The following PTH2R variants were observed in gnomAD, a reference collection of about 807,000 sequenced individuals.
PTH2R encodes the protein parathyroid hormone 2 receptor, also known as PTH2 receptor.
Under a neutral mutation model 60.3 loss-of-function variants are expected in PTH2R, and 59 were observed. That is an observed-to-expected ratio of 0.98 (90% CI 0.79 to 1.22). The LOEUF (loss-of-function observed/expected upper bound fraction) is 1.22, where lower values mean the gene tolerates loss of function less well. Ranked by LOEUF, PTH2R falls within the 50% of genes most tolerant of loss-of-function variation. The pLI is 0.00. For synonymous variants in PTH2R, 256 were observed against 243.8 expected (o/e 1.05, Z -0.47); for missense variants, 749 against 682.6 (o/e 1.10, Z -1.08).
intron 1 of PTH2R, among the ~76,000 whole-genome samples, chr2:208,417,010 G>A (rs1701654257): frequency 6.6e-6 from 1 of 152,044 alleles, no homozygotes; most frequent in Non-Finnish European, 1.5e-5. Context: ...AGAGATCCTT[G>A]ACTAATGCAA....
At position 208,484,314 on chromosome 2, in the gene PTH2R, G is replaced by A. The variant is rs577045692; in HGVS notation, c.1076+3150G>A. Among the ~76,000 whole-genome samples, 109 of 152,334 alleles carry A rather than the reference G, an allele frequency of 7.2e-4. 1 individual carries two copies. Among genetic ancestry groups the A allele is most frequent in the Middle Eastern group, 3.4e-3 (1 of 294 alleles). The stretch of plus-strand genomic sequence containing the variant: ...GCATGGTGGTTTAAAATGGAAATGA[G>A]TGAATCAATCAGTTCTTAAAACAAC... On this transcript the variant is annotated intron_variant, in intron 10 of 12. Transcript: ENST00000272847.
At chr2:208,438,778 TGGG>T (rs1191775925) in intron 4 of PTH2R, among the ~76,000 whole-genome samples, 1 of 151,884 alleles carries the variant, frequency 6.6e-6, no homozygotes, top group African/African-American at 2.4e-5. Flanking sequence ...TTTGGGGAGG[TGGG>T]GGGAGAACAG....
intron 9 of PTH2R, among the ~76,000 whole-genome samples, chr2:208,478,259 T>C (rs1178948628): frequency 6.6e-6 from 1 of 152,192 alleles, no homozygotes; most frequent in African/African-American, 2.4e-5. Flanking sequence ...CTTCTTTTCT[T>C]TTTTTAGTGG....
chr2:208,419,930 A>G (rs1484664113), intron 1 of PTH2R, among the ~76,000 whole-genome samples: 4 of 152,356 alleles, frequency 2.6e-5, no homozygotes, highest in Non-Finnish European at 4.4e-5. Context: ...TGTGGCACAT[A>G]TACACTGTGG....
At chr2:208,444,261 C>T (rs557589400) in intron 6 of PTH2R, among the ~76,000 whole-genome samples, 10 of 152,256 alleles carry the variant, frequency 6.6e-5, no homozygotes, top group East Asian at 1.9e-4. Context: ...CCAGATCAGC[C>T]GAACTACCCA....
At chr2:208,491,431 A>G (rs979891114) in intron 12 of PTH2R, among the ~76,000 whole-genome samples, 6 of 152,196 alleles carry the variant, frequency 3.9e-5, no homozygotes, top group Non-Finnish European at 4.4e-5. Flanking sequence ...AAGAAACCCA[A>G]AAAGCACTCA....
At chr2:208,384,617 A>T (rs926580570) in intron 1 of PTH2R, among the ~76,000 whole-genome samples, 5 of 152,072 alleles carry the variant, frequency 3.3e-5, no homozygotes, top group Admixed American at 2.0e-4. Flanking sequence ...TCTTTTGAGA[A>T]TTTTTTTTCT....
chr2:208,442,685 T>G (rs564546623), intron 5 of PTH2R, among the ~76,000 whole-genome samples: 8 of 152,322 alleles, frequency 5.3e-5, no homozygotes, highest in African/African-American at 1.9e-4. Context: ...TTTAACCCAA[T>G]AAGTATGTAC....
At chr2:208,440,812 T>C (rs1370042888) in intron 4 of PTH2R, among the ~76,000 whole-genome samples, 1 of 152,224 alleles carries the variant, frequency 6.6e-6, no homozygotes, top group Admixed American at 6.5e-5. Flanking sequence ...CCGTGAGGTC[T>C]TCACCGAGTG....
chr2:208,398,714 A>T (rs1052907990), intron 1 of PTH2R, among the ~76,000 whole-genome samples: 3 of 152,218 alleles, frequency 2.0e-5, no homozygotes, highest in Non-Finnish European at 4.4e-5. Flanking sequence ...TGTATTACTA[A>T]TTAATTTATT....
chr2:208,370,140 A>G (rs1157052404), intron 1 of PTH2R, among the ~76,000 whole-genome samples: 1 of 152,026 alleles, frequency 6.6e-6, no homozygotes, highest in African/African-American at 2.4e-5. Flanking sequence ...TGTCTAATCT[A>G]TATCATTTAA....
chr2:208,384,925 A>T (rs1422730689), intron 1 of PTH2R, among the ~76,000 whole-genome samples: 2 of 152,212 alleles, frequency 1.3e-5, no homozygotes, highest in Non-Finnish European at 2.9e-5. Context: ...ACAATCTCTT[A>T]AGTCATACAC....
At chr2:208,387,131 C>G (rs1489339926) in intron 1 of PTH2R, among the ~76,000 whole-genome samples, 2 of 152,012 alleles carry the variant, frequency 1.3e-5, no homozygotes, top group African/African-American at 4.8e-5. Flanking sequence ...ATCATTGTTA[C>G]GATCACCCCA....
At chr2:208,411,707 C>A (rs994852518) in intron 1 of PTH2R, among the ~76,000 whole-genome samples, 2 of 151,796 alleles carry the variant, frequency 1.3e-5, no homozygotes, top group Admixed American at 1.3e-4. Flanking sequence ...TTGTTTTTTT[C>A]TTTTCTCTGG....
At chr2:208,384,063 A>C (rs1200410021) in intron 1 of PTH2R, among the ~76,000 whole-genome samples, 1 of 152,226 alleles carries the variant, frequency 6.6e-6, no homozygotes, top group African/African-American at 2.4e-5. Context: ...TTGGAAGAGA[A>C]GATGTCCATG....
chr2:208,422,318 C>T (rs571933341), intron 1 of PTH2R, among the ~76,000 whole-genome samples: 1 of 152,264 alleles, frequency 6.6e-6, no homozygotes. Flanking sequence ...ATAGACACAC[C>T]GGAAACAAAT....
chr2:208,458,867 T>C (rs1202875719), intron 8 of PTH2R, among the ~76,000 whole-genome samples: 1 of 152,152 alleles, frequency 6.6e-6, no homozygotes, highest in Non-Finnish European at 1.5e-5. Flanking sequence ...GGATTGAGAT[T>C]GATTCCATGT....
At chr2:208,425,864 A>G (rs1239669300) in intron 1 of PTH2R, among the ~76,000 whole-genome samples, 1 of 152,208 alleles carries the variant, frequency 6.6e-6, no homozygotes, top group African/African-American at 2.4e-5. Context: ...GGAGAAAGAA[A>G]ACCCAGGGAA....
chr2:208,432,368 G>T (rs987758321), intron 2 of PTH2R, among the ~76,000 whole-genome samples: 1 of 152,126 alleles, frequency 6.6e-6, no homozygotes, highest in African/African-American at 2.4e-5. Context: ...AACAACAGAG[G>T]TGTTTTAACA....
Sources: gnomAD v4.1 joint callset for allele counts (sites outside exome capture counted in the v4.1 genomes callset) on GRCh38, gnomAD v4.1.1 for gene constraint, MANE v1.5 for transcripts, NCBI Gene and HGNC (gene_info 2026-07-23, HGNC 2026-07-21) for gene names.